The following MMS22L variants were observed in gnomAD, a reference collection of about 807,000 sequenced individuals.
MMS22L encodes MMS22 like, DNA repair protein.
Under a neutral mutation model 159.1 loss-of-function variants are expected in MMS22L, and 74 were observed. That is an observed-to-expected ratio of 0.47 (90% CI 0.39 to 0.56). The LOEUF is 0.56. Among genes scored for constraint, MMS22L ranks in the 20% least tolerant of loss-of-function variants. MMS22L has a pLI of 0.00. For missense variants in MMS22L, 1,351 were observed against 1,422.1 expected (o/e 0.95, Z 0.80); for synonymous variants, 517 against 506.9 (o/e 1.02, Z -0.27).
chr6:97,230,005 T>TAG lies in MMS22L; in HGVS notation c.1530-604_1530-603dup, dbSNP rs1233417421. Among the ~76,000 whole-genome samples the TAG allele has an allele frequency of 2.0e-5, 3 of 152,324 alleles. No homozygotes were observed. In the East Asian group the frequency reaches 5.8e-4, roughly 29 times the overall value. ...ATAGTACAATAGATAATATAGTTAA[T>TAG]AGTTGACATTCTTTTCTTTCATCAA... is the stretch of plus-strand genomic sequence containing the variant. On this transcript the variant is annotated intron_variant, in intron 13 of 24. Coordinates refer to ENST00000683635, the MANE Select transcript of MMS22L (RefSeq NM_001350599.2).
intron 9 of MMS22L, 36 bp from the exon 10 acceptor site, chr6:97,254,769 A>T: frequency 6.7e-7 from 1 of 1,494,868 alleles, no homozygotes; most frequent in South Asian, 1.4e-5. Context: ...CCATTAAGAC[A>T]GTTTCAATAA....
At chr6:97,169,908 T>C (rs76269894) in intron 19 of MMS22L, among the ~76,000 whole-genome samples, 10 of 152,192 alleles carry the variant, frequency 6.6e-5, no homozygotes, top group African/African-American at 9.6e-5. Flanking sequence ...ACCGGTGATA[T>C]AGGGTACCAC....
intron 10 of MMS22L, among the ~76,000 whole-genome samples, chr6:97,248,579 T>C (rs894109641): frequency 6.6e-6 from 1 of 152,104 alleles, no homozygotes; most frequent in African/African-American, 2.4e-5. Flanking sequence ...AAAGAAAAGA[T>C]CTGGCCTGCT....
chr6:97,270,983 C>T (rs1167001558), intron 6 of MMS22L: 1 of 151,882 alleles, frequency 6.6e-6, no homozygotes, highest in Non-Finnish European at 1.5e-5. Context: ...TTCAAATCGA[C>T]CTAGAAAGTC....
At chr6:97,249,064 C>G (rs939495951) in intron 10 of MMS22L, among the ~76,000 whole-genome samples, 9 of 152,042 alleles carry the variant, frequency 5.9e-5, no homozygotes, top group Admixed American at 5.9e-4. Context: ...CAACAATAGT[C>G]TCAGGCTGGG....
At chr6:97,250,301 T>C (rs977040402) in intron 10 of MMS22L, among the ~76,000 whole-genome samples, 1 of 152,188 alleles carries the variant, frequency 6.6e-6, no homozygotes, top group Admixed American at 6.5e-5. Flanking sequence ...GAACAGATTC[T>C]CCACCCTCCA....
intron 18 of MMS22L, among the ~76,000 whole-genome samples, chr6:97,175,153 C>T (rs940760112): frequency 2.0e-5 from 3 of 152,104 alleles, no homozygotes; most frequent in Admixed American, 6.5e-5. Context: ...TGATAATGAA[C>T]ATTACATGTA....
At chr6:97,238,572 CGTGT>C (rs71740630) in intron 11 of MMS22L, among the ~76,000 whole-genome samples, 3,945 of 91,438 alleles carry the variant, frequency 0.043, 175 homozygotes, top group African/African-American at 0.12. Flanking sequence ...TGTCTCATCT[CGTGT>C]GTGTGTGTGT....
In MMS22L at chr6:97,165,226, T is replaced by A; in HGVS notation, c.3221+20A>T. On this transcript the variant is annotated intron_variant, in intron 21 of 24. Transcript: ENST00000683635. ...CTTAATAATTTGTACATACCACCTA[T>A]ATTTAATATTTAGATGTACCTTATG... is the stretch of plus-strand genomic sequence containing the variant. The A allele has an allele frequency of 1.3e-6, 2 of 1,592,554 alleles. No individual in the cohort carries two copies. The highest frequency in any genetic ancestry group is 1.7e-6 in the Non-Finnish European group (2 of 1,161,494).
intron 21 of MMS22L, among the ~76,000 whole-genome samples, chr6:97,163,426 A>T (rs910744967): frequency 6.6e-6 from 1 of 151,936 alleles, no homozygotes; most frequent in Non-Finnish European, 1.5e-5. Flanking sequence ...GACAATCTCT[A>T]TATCTTTCCT....
At chr6:97,208,439 C>T (rs1808022422) in intron 14 of MMS22L, among the ~76,000 whole-genome samples, 1 of 151,900 alleles carries the variant, frequency 6.6e-6, no homozygotes, top group African/African-American at 2.4e-5. Flanking sequence ...TCCCGGCCCT[C>T]AATAAGTATC....
At chr6:97,180,270 T>G (rs1311931368) in intron 16 of MMS22L, among the ~76,000 whole-genome samples, 2 of 151,914 alleles carry the variant, frequency 1.3e-5, no homozygotes, top group Non-Finnish European at 2.9e-5. Context: ...CCCGGCTAAT[T>G]TTTTGTATTT....
chr6:97,253,773 T>A (rs182687097), intron 10 of MMS22L: 1 of 152,328 alleles, frequency 6.6e-6, no homozygotes, highest in East Asian at 1.9e-4. Flanking sequence ...ATACCTGGAT[T>A]TTTTAAAACT....
intron 11 of MMS22L, among the ~76,000 whole-genome samples, chr6:97,240,109 A>C (rs1324787606): frequency 1.3e-5 from 2 of 152,214 alleles, no homozygotes; most frequent in Admixed American, 1.3e-4. Context: ...AAATAGATAT[A>C]ATCAAACTGA....
At chr6:97,169,873 G>C (rs969551707) in intron 19 of MMS22L, among the ~76,000 whole-genome samples, 6 of 152,048 alleles carry the variant, frequency 3.9e-5, no homozygotes, top group African/African-American at 1.2e-4. Flanking sequence ...CCGTGCTATA[G>C]GGTACCACAT....
At chr6:97,260,598 G>A (rs1814358016) in intron 9 of MMS22L, 1 of 152,088 alleles carries the variant, frequency 6.6e-6, no homozygotes, top group African/African-American at 2.4e-5. Context: ...CCCAGATGTA[G>A]TCTGAACAGA....
chr6:97,174,086 C>T (rs1203776561), intron 18 of MMS22L, among the ~76,000 whole-genome samples: 1 of 151,780 alleles, frequency 6.6e-6, no homozygotes, highest in African/African-American at 2.4e-5. Context: ...AACCCCATCT[C>T]TACTAAAAAT....
chr6:97,224,214 C>A (rs983132692), intron 14 of MMS22L, among the ~76,000 whole-genome samples: 3 of 152,114 alleles, frequency 2.0e-5, no homozygotes, highest in Non-Finnish European at 4.4e-5. Context: ...GAAACTCTTC[C>A]TATCAATGTA....
intron 21 of MMS22L, among the ~76,000 whole-genome samples, chr6:97,164,865 C>G (rs1032189619): frequency 7.2e-5 from 11 of 152,094 alleles, no homozygotes; most frequent in Non-Finnish European, 1.6e-4. Flanking sequence ...GTAATCCACC[C>G]ACCTCTGCCT....
Sources: allele counts gnomAD v4.1 joint callset (sites outside exome capture counted in the v4.1 genomes callset), GRCh38; gene constraint gnomAD v4.1.1; transcripts MANE v1.5; gene names NCBI Gene and HGNC (gene_info 2026-07-23, HGNC 2026-07-21).